The following TOP1MT variants were observed in gnomAD, a reference collection of about 807,000 sequenced individuals.
TOP1MT encodes the protein DNA topoisomerase I, mitochondrial.
Under a neutral mutation model 73.9 loss-of-function variants are expected in TOP1MT, and 80 were observed. The ratio of observed to expected loss-of-function variants is 1.08; its 90% CI spans 0.90 to 1.30. The LOEUF is 1.30. Among genes scored for constraint, TOP1MT ranks in the 50% most tolerant of loss-of-function variants. TOP1MT has a pLI of 0.00. For missense variants in TOP1MT, 815 were observed against 808.0 expected, an observed-to-expected ratio of 1.01 and a Z score of -0.10; for synonymous variants, 338 against 326.4, an observed-to-expected ratio of 1.04 and a Z score of -0.38.
intron 2 of TOP1MT, among the ~76,000 whole-genome samples, chr8:143,342,157 CAG>C (rs1335856546): frequency 2.4e-5 from 3 of 123,150 alleles, no homozygotes; most frequent in African/African-American, 4.3e-5. Flanking sequence ...TTATTAGAGA[CAG>C]AGTCTCGCTC....
chr8:143,359,544 G>T, upstream of TOP1MT: 1 of 473,200 alleles, frequency 2.1e-6, no homozygotes, highest in Non-Finnish European at 2.8e-6. Context: ...AGGAGGGGTG[G>T]GGCAGCCAGG....
intron 3 of TOP1MT, among the ~76,000 whole-genome samples, chr8:143,329,101 G>A (rs2130284066): frequency 6.6e-6 from 1 of 152,218 alleles, no homozygotes; most frequent in East Asian, 1.9e-4. Context: ...CCTGGGAAGG[G>A]AAAGGTCTGA....
At chr8:143,323,765 C>G (rs1319439872) in intron 7 of TOP1MT, among the ~76,000 whole-genome samples, 1 of 146,460 alleles carries the variant, frequency 6.8e-6, no homozygotes, top group African/African-American at 2.5e-5. Flanking sequence ...CCCACACAGA[C>G]ATGCCACACA....
chr8:143,347,264 A>C (rs574902720), upstream of TOP1MT, among the ~76,000 whole-genome samples: 2 of 152,132 alleles, frequency 1.3e-5, no homozygotes, highest in East Asian at 1.9e-4. Context: ...ACGCCGTTCT[A>C]CTGCCTCAGC....
At chr8:143,329,211 G>A in intron 3 of TOP1MT, 139 bp downstream of exon 3, 6 of 954,510 alleles carry the variant, frequency 6.3e-6, no homozygotes, top group Non-Finnish European at 7.6e-6. Context: ...AAGCTGCAAA[G>A]AGCCATGACG....
intron 1 of TOP1MT, among the ~76,000 whole-genome samples, chr8:143,352,388 C>T (rs938695260): frequency 6.6e-6 from 1 of 152,142 alleles, no homozygotes; most frequent in East Asian, 1.9e-4. Context: ...AACCCACATG[C>T]CTGTGGGCAA....
upstream of TOP1MT, among the ~76,000 whole-genome samples, chr8:143,358,228 T>G (rs1465871661): frequency 6.6e-6 from 1 of 152,260 alleles, no homozygotes. Context: ...CAGCCTTATC[T>G]GCCCAGTACT....
chr8:143,342,782 T>A (rs1817148715), intron 2 of TOP1MT, among the ~76,000 whole-genome samples: 3 of 145,232 alleles, frequency 2.1e-5, no homozygotes, highest in Non-Finnish European at 4.6e-5. Context: ...TGCTCTATTA[T>A]TATTATTATT....
chr8:143,337,353 C>T (rs1311308472), upstream of TOP1MT, among the ~76,000 whole-genome samples: 3 of 151,972 alleles, frequency 2.0e-5, no homozygotes, highest in African/African-American at 7.3e-5. Context: ...TGCAGTGAGC[C>T]GAGATCACGC....
rs1186770045 is a variant in TOP1MT at position 143,341,739 on chromosome 8, C to T, written c.29+1481G>A. Among the ~76,000 whole-genome samples the T allele has an allele frequency of 1.3e-5, 2 of 152,210 alleles. No individual in the cohort carries two copies. Among genetic ancestry groups the T allele is most frequent in the Non-Finnish European group, 2.9e-5 (2 of 68,040 alleles). ...CAACAGGCCATACTGCCAGCGTCCA[C>T]CCTGACCCAGACACAAAACACCAGA... On this transcript the variant is annotated intron_variant, in intron 2 of 5. Coordinates refer to the TOP1MT transcript ENST00000518007. This position sits in a 1 kb window ranked among gnomAD's most constrained non-coding sequence, Gnocchi z 4.1.
At chr8:143,328,560 G>A (rs1224436187) in intron 3 of TOP1MT, among the ~76,000 whole-genome samples, 1 of 152,266 alleles carries the variant, frequency 6.6e-6, no homozygotes, top group African/African-American at 2.4e-5. Flanking sequence ...TCAGCCTGGT[G>A]TTGCTAGTAA....
chr8:143,315,435 T>C (rs1410217145), intron 12 of TOP1MT, among the ~76,000 whole-genome samples: 2 of 152,182 alleles, frequency 1.3e-5, no homozygotes, highest in Non-Finnish European at 2.9e-5. Context: ...TGATCTCACC[T>C]ATCACTGGAG....
chr8:143,324,194 C>T lies in TOP1MT; in HGVS notation c.817-52G>A, dbSNP rs1554620827. The T allele has an allele frequency of 7.5e-6, 12 of 1,599,864 alleles. 1 individual carries two copies. Among genetic ancestry groups the T allele is most frequent in the South Asian group, 5.5e-5 (5 of 90,610 alleles). On this transcript the variant is annotated intron_variant, in intron 6 of 13. Coordinates refer to ENST00000329245, the MANE Select transcript of TOP1MT (RefSeq NM_052963.3). ...AAACATTCACATTCCTGTTAAATAA[C>T]GGAGGAGGCTGTCAACTCTCCCTCC...
chr8:143,326,919 T>C (rs1011660501), intron 3 of TOP1MT, among the ~76,000 whole-genome samples: 2 of 152,194 alleles, frequency 1.3e-5, no homozygotes, highest in African/African-American at 4.8e-5. Context: ...TTGACGTCTA[T>C]GGAGGGCCCA....
chr8:143,315,768 C>T lies in TOP1MT; in HGVS notation c.1512G>A (p.Ala504=), dbSNP rs748360764. The T allele has an allele frequency of 1.1e-5, 17 of 1,613,906 alleles. No individual in the cohort carries two copies. In the East Asian group the frequency reaches 1.8e-4, roughly 17 times the overall value. Residue 504 remains alanine, a synonymous_variant, in exon 12 of 14, where the codon GCG becomes GCA. Coordinates refer to ENST00000329245, the MANE Select transcript of TOP1MT (RefSeq NM_052963.3). ...CCCCTTGGGCTTTGTGCTCAGCCCT[C>T]GCCCTCCTCAGCTCTGCCCTGGCCT... The part of the protein sequence containing the change: ...VAEARAELRR[A]RAEHKAQGDG...
At chr8:143,338,763 G>A (rs553768488), upstream of TOP1MT, among the ~76,000 whole-genome samples, 1 of 152,288 alleles carries the variant, frequency 6.6e-6, no homozygotes, top group East Asian at 1.9e-4. Context: ...GGGAGGGCGT[G>A]GAAAAGTGGC....
At chr8:143,349,687 T>C (rs13281276), upstream of TOP1MT, among the ~76,000 whole-genome samples, 1 of 150,772 alleles carries the variant, frequency 6.6e-6, no homozygotes, top group Non-Finnish European at 1.5e-5. Flanking sequence ...GTCACCCAGG[T>C]TGGAGTGCAG....
chr8:143,338,922 A>T (rs1029324678), upstream of TOP1MT, among the ~76,000 whole-genome samples: 3 of 152,214 alleles, frequency 2.0e-5, no homozygotes, highest in African/African-American at 7.2e-5. Flanking sequence ...GGGTTGCCCA[A>T]GGGAGCGGGG....
intron 8 of TOP1MT, among the ~76,000 whole-genome samples, chr8:143,320,767 C>T (rs1816309076): frequency 6.6e-6 from 1 of 152,176 alleles, no homozygotes; most frequent in South Asian, 2.1e-4. Flanking sequence ...ACGCAGGATC[C>T]GTGGCCCCAC....
Sources: allele counts gnomAD v4.1 joint callset (sites outside exome capture counted in the v4.1 genomes callset), GRCh38; gene constraint gnomAD v4.1.1; non-coding constraint Gnocchi (gnomAD v3.1); transcripts MANE v1.5; gene names NCBI Gene and HGNC (gene_info 2026-07-23, HGNC 2026-07-21).